RANBP2: variants seen among roughly 807,000 people sequenced by gnomAD.
The protein encoded by RANBP2 is RAN binding protein 2, also known as E3 SUMO-protein ligase RanBP2.
Under a neutral mutation model 303.6 loss-of-function variants are expected in RANBP2, and 57 were observed. The observed-to-expected ratio is 0.19, with a 90% CI of 0.15 to 0.23. RANBP2 has a LOEUF of 0.23. Ranked by LOEUF, RANBP2 falls within the 10% of genes least tolerant of loss-of-function variation. RANBP2 has a pLI of 1.00. For synonymous variants in RANBP2, 1,167 were observed against 1,301.5 expected, an observed-to-expected ratio of 0.90 and a Z score of 2.23; for missense variants, 3,138 against 3,780.8, an observed-to-expected ratio of 0.83 and a Z score of 4.46.
chr2:109,278,817 G>A, the RANBP2 span, among the ~76,000 whole-genome samples: 3 of 152,178 alleles, frequency 2.0e-5, no homozygotes, highest in African/African-American at 4.8e-5. Flanking sequence ...GTATTGCATC[G>A]GCCAAGGCAA....
intron 19 of RANBP2, among the ~76,000 whole-genome samples, chr2:108,762,922 C>T (rs1409366534): frequency 2.0e-5 from 3 of 151,934 alleles, no homozygotes; most frequent in Admixed American, 2.0e-4. Flanking sequence ...TCATTATATG[C>T]CAAGTATATA....
chr2:109,020,023 GT>G, the RANBP2 span, among the ~76,000 whole-genome samples: 1 of 152,220 alleles, frequency 6.6e-6, no homozygotes, highest in Non-Finnish European at 1.5e-5. Flanking sequence ...TCGGGGCAGT[GT>G]GTTGAAGGGA....
chr2:109,638,946 T>C, the RANBP2 span, among the ~76,000 whole-genome samples: 1 of 152,144 alleles, frequency 6.6e-6, no homozygotes, highest in Non-Finnish European at 1.5e-5. Flanking sequence ...CCAGTAGAGG[T>C]CTGGCCTTGC....
chr2:109,017,165 G>A, the RANBP2 span, among the ~76,000 whole-genome samples: 2 of 152,188 alleles, frequency 1.3e-5, no homozygotes, highest in Admixed American at 6.5e-5. Context: ...AGTCACACCC[G>A]GTAGAAACCT....
the RANBP2 span, among the ~76,000 whole-genome samples, chr2:108,925,506 G>A: frequency 6.6e-6 from 1 of 152,216 alleles, no homozygotes; most frequent in East Asian, 1.9e-4. Flanking sequence ...CTTGTCCTGG[G>A]CACGAGGCAC....
the RANBP2 span, among the ~76,000 whole-genome samples, chr2:109,422,393 T>A: frequency 6.6e-6 from 1 of 152,160 alleles, no homozygotes; most frequent in Non-Finnish European, 1.5e-5. Context: ...GCCCTTGAGA[T>A]TAAGAGGCCT....
At chr2:109,333,209 C>G in the RANBP2 span, among the ~76,000 whole-genome samples, 15 of 152,336 alleles carry the variant, frequency 9.8e-5, no homozygotes, top group Middle Eastern at 3.4e-3. Context: ...TTACCTGTAT[C>G]TATCAGGTTC....
In RANBP2 at chr2:108,782,503, T is replaced by C. The variant is rs1010789082; in HGVS notation, c.9035-25T>C. Reference sequence around the variant, plus strand: ...ACAGTTATTTTAATACTAAGGTCACTGCTTCCCCTTTCCCTCCCTGCCAGA... The same window carrying C: ...ACAGTTATTTTAATACTAAGGTCACCGCTTCCCCTTTCCCTCCCTGCCAGA... On this transcript the variant is annotated intron_variant, in intron 27 of 28. Transcript: ENST00000283195. The C allele has an allele frequency of 2.7e-5, 44 of 1,613,716 alleles. 1 individual carries two copies. The Admixed American group carries it at 6.2e-4, about 23-fold the overall frequency.
the RANBP2 span, among the ~76,000 whole-genome samples, chr2:109,385,465 G>A: frequency 3.3e-5 from 5 of 152,202 alleles, no homozygotes; most frequent in Non-Finnish European, 7.3e-5. Flanking sequence ...GCTGCAATAT[G>A]AATATCCAGT....
the RANBP2 span, among the ~76,000 whole-genome samples, chr2:108,853,922 ATT>A: frequency 2.5e-5 from 3 of 122,238 alleles, no homozygotes; most frequent in African/African-American, 3.3e-5. Flanking sequence ...TAGTATATAT[ATT>A]ATATATAATT....
At chr2:109,285,036 C>T in the RANBP2 span, among the ~76,000 whole-genome samples, 614 of 152,328 alleles carry the variant, frequency 4.0e-3, 2 homozygotes, top group African/African-American at 0.014. Flanking sequence ...TGCCGCGGGG[C>T]CTCTGCTCCA....
the RANBP2 span, among the ~76,000 whole-genome samples, chr2:109,027,307 G>A: frequency 0.02 from 2,981 of 152,030 alleles, 96 homozygotes; most frequent in East Asian, 0.079. Flanking sequence ...GGGTCTCCTG[G>A]GGGACTAGCC....
intron 6 of RANBP2, among the ~76,000 whole-genome samples, chr2:108,737,321 T>C (rs1396825373): frequency 6.8e-6 from 1 of 147,328 alleles, no homozygotes; most frequent in Non-Finnish European, 1.5e-5. Context: ...GTTCCTTTTT[T>C]TCTTTCTTTC....
At chr2:109,578,019 T>C in the RANBP2 span, among the ~76,000 whole-genome samples, 13 of 151,940 alleles carry the variant, frequency 8.6e-5, no homozygotes, top group South Asian at 2.5e-3. Context: ...ATTTGTATTA[T>C]CAATGAGAAG....
the RANBP2 span, among the ~76,000 whole-genome samples, chr2:108,797,982 C>T: frequency 2.7e-5 from 4 of 146,216 alleles, no homozygotes; most frequent in Admixed American, 1.4e-4. Flanking sequence ...TTTTTTTCTC[C>T]AGTGGTACTT....
At chr2:108,916,546 T>C in the RANBP2 span, among the ~76,000 whole-genome samples, 5 of 152,114 alleles carry the variant, frequency 3.3e-5, 1 homozygote, top group African/African-American at 7.2e-5. Flanking sequence ...TGTGCCTCTA[T>C]CCTGATCACC....
At chr2:109,445,093 G>A in the RANBP2 span, among the ~76,000 whole-genome samples, 1 of 152,208 alleles carries the variant, frequency 6.6e-6, no homozygotes, top group Non-Finnish European at 1.5e-5. Flanking sequence ...ACAGTTGAAA[G>A]TGGAATTAGT....
At chr2:108,881,269 C>G in the RANBP2 span, among the ~76,000 whole-genome samples, 1 of 152,186 alleles carries the variant, frequency 6.6e-6, no homozygotes, top group Non-Finnish European at 1.5e-5. Flanking sequence ...TGATTTCTTT[C>G]CTAAAACCTC....
chr2:109,401,702 C>T, the RANBP2 span, among the ~76,000 whole-genome samples: 1 of 152,196 alleles, frequency 6.6e-6, no homozygotes, highest in East Asian at 1.9e-4. Context: ...GTGGGCTCAG[C>T]ACACACAGGT....
Sources: allele counts gnomAD v4.1 joint callset (sites outside exome capture counted in the v4.1 genomes callset), GRCh38; gene constraint gnomAD v4.1.1; transcripts MANE v1.5; gene names NCBI Gene and HGNC (gene_info 2026-07-23, HGNC 2026-07-21).